The following PRLR variants were observed in gnomAD, a reference collection of about 807,000 sequenced individuals.
PRLR encodes the protein hPRL receptor.
Under a neutral mutation model 40.2 loss-of-function variants are expected in PRLR, and 13 were observed. The observed-to-expected ratio is 0.32, with a 90% confidence interval of 0.21 to 0.51. The LOEUF is 0.51. Ranked by LOEUF, PRLR falls within the 20% of genes least tolerant of loss-of-function variation. The probability of loss-of-function intolerance (pLI) is 0.97; values close to 1 mark genes in which losing one functional copy is unlikely to be tolerated. For synonymous variants in PRLR, 269 were observed against 278.7 expected (o/e 0.97, Z 0.35); for missense variants, 656 against 747.3 (o/e 0.88, Z 1.42).
At chr5:35,074,647 G>A (rs894937378) in intron 5 of PRLR, among the ~76,000 whole-genome samples, 11 of 151,856 alleles carry the variant, frequency 7.2e-5, no homozygotes, top group Non-Finnish European at 1.6e-4. Flanking sequence ...GGAGGTAAAC[G>A]TGTTACAGAA....
Position 35,070,224 on chromosome 5 carries a change from G to A in PRLR, c.585C>T (p.Ser195=). The change falls in exon 7 of 10, where the codon AGC becomes AGT. Residue 195 remains serine (S), a synonymous_variant. Coordinates refer to ENST00000618457, the MANE Select transcript of PRLR (RefSeq NM_000949.7). ...CAAGGTATTTCTGTCCTGGATGTAG[G>A]CTGAGAATCTTAAACTCTGTTTGCT... The part of the protein sequence containing the change: ...AGQQTEFKIL[S]LHPGQKYLVQ... The A allele has an allele frequency of 1.2e-6, 2 of 1,614,142 alleles. No individual in the cohort carries two copies. The highest frequency in any genetic ancestry group is 1.7e-6 in the Non-Finnish European group (2 of 1,180,012).
intron 1 of PRLR, among the ~76,000 whole-genome samples, chr5:35,150,616 T>C (rs557078852): frequency 2.6e-5 from 4 of 152,318 alleles, no homozygotes; most frequent in East Asian, 1.9e-4. Flanking sequence ...GCGTGCTTAA[T>C]AGTGGGTCAT....
intron 2 of PRLR, among the ~76,000 whole-genome samples, chr5:35,101,640 C>A (rs978056970): frequency 3.3e-5 from 5 of 151,680 alleles, no homozygotes; most frequent in African/African-American, 1.2e-4. Context: ...ATTTTTCTGG[C>A]ATCATCATGT....
chr5:35,150,328 A>C (rs1276979010), intron 1 of PRLR, among the ~76,000 whole-genome samples: 1 of 152,234 alleles, frequency 6.6e-6, no homozygotes, highest in East Asian at 1.9e-4. Context: ...CTAAAGCACA[A>C]ACAGGCCCCA....
intron 7 of PRLR, 84 bp from the exon 8 acceptor site, chr5:35,068,962 CAA>C: frequency 2.0e-6 from 2 of 991,224 alleles, no homozygotes; most frequent in Non-Finnish European, 3.1e-6. Flanking sequence ...CTCTTAAACC[CAA>C]GAGTGTTTTC....
At chr5:35,121,822 C>T (rs1773302490) in intron 1 of PRLR, among the ~76,000 whole-genome samples, 1 of 152,170 alleles carries the variant, frequency 6.6e-6, no homozygotes, top group Non-Finnish European at 1.5e-5. Context: ...AGGCTGTGCT[C>T]CAACCACAAT....
intron 1 of PRLR, among the ~76,000 whole-genome samples, chr5:35,142,984 G>C (rs1774066239): frequency 6.6e-6 from 1 of 152,204 alleles, no homozygotes; most frequent in Non-Finnish European, 1.5e-5. Flanking sequence ...TGAGTGCCTG[G>C]AACATAATCT....
At position 35,116,633 on chromosome 5, in the gene PRLR, T is replaced by C. The variant is rs577067939; in HGVS notation, c.-44+1428A>G. ...TTGCCTTTCCTTCCAGTAAATAGCATGAGGCATTTGGCATGAAGGGGTAGA... is the reference window on the plus strand; with the variant it reads ...TTGCCTTTCCTTCCAGTAAATAGCACGAGGCATTTGGCATGAAGGGGTAGA... On this transcript the variant is annotated intron_variant, in intron 2 of 9. Coordinates refer to ENST00000618457, the MANE Select transcript of PRLR (RefSeq NM_000949.7). Among the ~76,000 whole-genome samples, 33 of 152,228 alleles carry C rather than the reference T, an allele frequency of 2.2e-4. No individual in the cohort carries two copies. The South Asian group carries it at 5.6e-3, about 26-fold the overall frequency.
At chr5:35,143,964 C>A (rs4333296) in intron 1 of PRLR, among the ~76,000 whole-genome samples, 119,980 of 151,574 alleles carry the variant, frequency 0.79, 50,131 homozygotes, top group Non-Finnish European at 0.92. Context: ...TTTTTTCCAG[C>A]TCATCCGTTT....
intron 7 of PRLR, among the ~76,000 whole-genome samples, chr5:35,069,224 A>T (rs1414092609): frequency 6.6e-6 from 1 of 152,214 alleles, no homozygotes; most frequent in Non-Finnish European, 1.5e-5. Context: ...AATGGTGTTA[A>T]ACTCTTTGCC....
intron 5 of PRLR, among the ~76,000 whole-genome samples, chr5:35,074,921 T>G (rs1032525522): frequency 3.1e-4 from 47 of 152,190 alleles, no homozygotes; most frequent in African/African-American, 1.1e-3. Flanking sequence ...TCAGTTCTGC[T>G]GTTCAGTGAC....
intron 1 of PRLR, among the ~76,000 whole-genome samples, chr5:35,168,841 C>T (rs1774919327): frequency 6.6e-6 from 1 of 152,030 alleles, no homozygotes; most frequent in African/African-American, 2.4e-5. Context: ...CAAGTTCTAA[C>T]TTTATTTACA....
intron 1 of PRLR, among the ~76,000 whole-genome samples, chr5:35,186,754 T>A (rs1775445833): frequency 6.6e-6 from 1 of 152,204 alleles, no homozygotes; most frequent in East Asian, 1.9e-4. Context: ...CCACCCTTGA[T>A]TAAGCAGATT....
intron 1 of PRLR, among the ~76,000 whole-genome samples, chr5:35,175,472 A>G (rs558121741): frequency 3.3e-4 from 51 of 152,320 alleles, no homozygotes; most frequent in Admixed American, 5.2e-4. Flanking sequence ...AGGACAGACT[A>G]ATACAATGAT....
intron 2 of PRLR, among the ~76,000 whole-genome samples, chr5:35,105,841 G>C (rs1416857749): frequency 6.6e-6 from 1 of 152,156 alleles, no homozygotes; most frequent in African/African-American, 2.4e-5. Context: ...ACCTAGCAAG[G>C]CAGGCCAACA....
At chr5:35,081,052 G>A (rs187490061) in intron 5 of PRLR, among the ~76,000 whole-genome samples, 3 of 104,798 alleles carry the variant, frequency 2.9e-5, no homozygotes, top group Admixed American at 1.3e-4. Context: ...GGGGTGGGGG[G>A]AGGGGGGAGG....
At chr5:35,093,194 C>G (rs1771328130) in intron 2 of PRLR, among the ~76,000 whole-genome samples, 1 of 152,190 alleles carries the variant, frequency 6.6e-6, no homozygotes, top group Non-Finnish European at 1.5e-5. Flanking sequence ...CGGGGCCACA[C>G]TCCCATGGCC....
At chr5:35,215,193 G>C (rs1276128043) in intron 1 of PRLR, among the ~76,000 whole-genome samples, 2 of 152,118 alleles carry the variant, frequency 1.3e-5, no homozygotes, top group South Asian at 4.1e-4. Context: ...TAAGAGCTTT[G>C]GACTTGACTA....
At chr5:35,175,209 T>A (rs571707183) in intron 1 of PRLR, among the ~76,000 whole-genome samples, 1 of 152,192 alleles carries the variant, frequency 6.6e-6, no homozygotes, top group Admixed American at 6.5e-5. Flanking sequence ...AATTAAATAA[T>A]GGGGGCGGGT....
Sources: allele counts gnomAD v4.1 joint callset (sites outside exome capture counted in the v4.1 genomes callset), GRCh38; gene constraint gnomAD v4.1.1; transcripts MANE v1.5; gene names NCBI Gene and HGNC (gene_info 2026-07-23, HGNC 2026-07-21).